The following WDR27 variants were observed in gnomAD, a reference collection of about 807,000 sequenced individuals.
WDR27 encodes the protein WD repeat domain 27, also known as WD repeat-containing protein 27.
In WDR27, 100 loss-of-function variants were observed where a neutral mutation model predicts 114.4. The ratio of observed to expected loss-of-function variants is 0.87; its 90% CI spans 0.74 to 1.03. WDR27 has a LOEUF of 1.03. WDR27 is among the 50% of genes least tolerant of loss of function. The pLI is 0.00. For missense variants in WDR27, 1,129 were observed against 1,092.9 expected, an observed-to-expected ratio of 1.03 and a Z score of -0.47; for synonymous variants, 449 against 423.1, an observed-to-expected ratio of 1.06 and a Z score of -0.75.
chr6:169,618,519 T>C (rs1812383919), intron 21 of WDR27, among the ~76,000 whole-genome samples: 1 of 144,516 alleles, frequency 6.9e-6, no homozygotes, highest in Non-Finnish European at 1.5e-5. Flanking sequence ...CTCTTGTTAA[T>C]ACAATACTAA....
chr6:169,511,494 C>T (rs139103628), intron 25 of WDR27, among the ~76,000 whole-genome samples: 2 of 150,848 alleles, frequency 1.3e-5, no homozygotes, highest in Admixed American at 6.6e-5. Flanking sequence ...GCCTTCCCCC[C>T]AAAATATAAT....
At chr6:169,582,789 AGACT>A in intron 24 of WDR27, 43 bp downstream of exon 24, 1 of 1,442,360 alleles carries the variant, frequency 6.9e-7, no homozygotes, top group Non-Finnish European at 9.6e-7. Flanking sequence ...ATATAATGTA[AGACT>A]TGTATGCAGC....
chr6:169,504,421 C>G (rs957454952), intron 25 of WDR27, among the ~76,000 whole-genome samples: 1 of 152,134 alleles, frequency 6.6e-6, no homozygotes, highest in Non-Finnish European at 1.5e-5. Flanking sequence ...CTCTCAAGAT[C>G]TGATGGTTTT....
intron 25 of WDR27, among the ~76,000 whole-genome samples, chr6:169,472,647 T>C (rs1204358171): frequency 6.6e-6 from 1 of 152,194 alleles, no homozygotes; most frequent in Non-Finnish European, 1.5e-5. Flanking sequence ...AGAAAAAATG[T>C]GAAAATTTCA....
chr6:169,549,254 T>C (rs964773872), intron 25 of WDR27, among the ~76,000 whole-genome samples: 9 of 152,160 alleles, frequency 5.9e-5, no homozygotes, highest in African/African-American at 2.2e-4. Context: ...GACATACCGA[T>C]GGCAAATAAG....
At chr6:169,527,470 G>C (rs965865717) in intron 25 of WDR27, among the ~76,000 whole-genome samples, 1 of 152,186 alleles carries the variant, frequency 6.6e-6, no homozygotes, top group African/African-American at 2.4e-5. Context: ...GATGATTCGG[G>C]AGTGGGGAAT....
intron 13 of WDR27, among the ~76,000 whole-genome samples, chr6:169,654,381 T>C (rs1823428348): frequency 6.6e-6 from 1 of 152,130 alleles, no homozygotes; most frequent in African/African-American, 2.4e-5. Context: ...AGAACATGAA[T>C]CCAAAAGATC....
chr6:169,471,157 C>T (rs1053520557), intron 25 of WDR27, among the ~76,000 whole-genome samples: 8 of 147,274 alleles, frequency 5.4e-5, no homozygotes, highest in Non-Finnish European at 9.0e-5. Flanking sequence ...AAAGTAATTG[C>T]GGTTTTTGTC....
At chr6:169,675,862 C>A (rs1358218782) in intron 2 of WDR27, among the ~76,000 whole-genome samples, 1 of 152,114 alleles carries the variant, frequency 6.6e-6, no homozygotes, top group Non-Finnish European at 1.5e-5. Flanking sequence ...CAATTATCTC[C>A]TGGATCTGGG....
intron 25 of WDR27, among the ~76,000 whole-genome samples, chr6:169,540,275 T>C (rs1296680890): frequency 6.6e-6 from 1 of 152,214 alleles, no homozygotes; most frequent in Non-Finnish European, 1.5e-5. Flanking sequence ...TTGCTTATGA[T>C]CACGATGCTT....
At chr6:169,480,401 G>A (rs1028694586) in intron 25 of WDR27, among the ~76,000 whole-genome samples, 2 of 152,226 alleles carry the variant, frequency 1.3e-5, no homozygotes, top group Non-Finnish European at 2.9e-5. Context: ...CGGTCCTGTC[G>A]ACTGCCCAAG....
At chr6:169,496,859 T>C (rs1221165997) in intron 25 of WDR27, among the ~76,000 whole-genome samples, 3 of 152,098 alleles carry the variant, frequency 2.0e-5, no homozygotes, top group Admixed American at 6.5e-5. Flanking sequence ...AAAATATCTA[T>C]ATTACCCAAA....
At chr6:169,641,552 T>C (rs1010357550) in intron 17 of WDR27, among the ~76,000 whole-genome samples, 4 of 152,142 alleles carry the variant, frequency 2.6e-5, no homozygotes, top group African/African-American at 9.7e-5. Context: ...AGACTTCCCC[T>C]GGACATGGAC....
intron 25 of WDR27, among the ~76,000 whole-genome samples, chr6:169,486,433 G>A (rs1218196832): frequency 1.3e-5 from 2 of 152,274 alleles, no homozygotes; most frequent in East Asian, 3.9e-4. Flanking sequence ...ACCCAGCCTT[G>A]CAGGCTCCGG....
chr6:169,533,238 C>A (rs372569335), intron 25 of WDR27, among the ~76,000 whole-genome samples: 3 of 139,598 alleles, frequency 2.1e-5, no homozygotes, highest in Non-Finnish European at 4.6e-5. Context: ...TGTGAGACAG[C>A]GTGGCATGGA....
At chr6:169,449,284 C>T in the WDR27 span, among the ~76,000 whole-genome samples, 1 of 152,136 alleles carries the variant, frequency 6.6e-6, no homozygotes, top group Non-Finnish European at 1.5e-5. Flanking sequence ...ATTCCCAGTC[C>T]TTGAAATAGT....
intron 21 of WDR27, 126 bp from the exon 22 acceptor site, chr6:169,613,782 T>A: frequency 1.2e-6 from 1 of 844,918 alleles, no homozygotes; most frequent in Non-Finnish European, 1.8e-6. Flanking sequence ...TTCTTACTTG[T>A]AACAATTTCA....
rs753598509 is a variant in WDR27, at chr6:169,651,926, T to C, written c.1481+4A>G. The C allele has an allele frequency of 6.4e-5, 104 of 1,612,448 alleles. No homozygotes were observed. Among genetic ancestry groups the C allele is most frequent in the Non-Finnish European group, 8.6e-5 (101 of 1,179,366 alleles). On this transcript the variant is annotated splice_donor_region_variant and intron_variant, in intron 14 of 25. Transcript: ENST00000448612. ...CTGTCTCTCATTGACATGAGTTCAC[T>C]CACTGTGGTGCTGACGCATAACCAG...
intron 25 of WDR27, among the ~76,000 whole-genome samples, chr6:169,492,347 T>TA (rs911258074): frequency 1.3e-5 from 2 of 151,958 alleles, no homozygotes; most frequent in African/African-American, 4.8e-5. Flanking sequence ...CTTAAAAATA[T>TA]AAAAAATCAG....
Sources: gnomAD v4.1 joint callset for allele counts (sites outside exome capture counted in the v4.1 genomes callset) on GRCh38, gnomAD v4.1.1 for gene constraint, MANE v1.5 for transcripts, NCBI Gene and HGNC (gene_info 2026-07-23, HGNC 2026-07-21) for gene names.